AZIN2: variants seen among roughly 807,000 people sequenced by gnomAD.
AZIN2 encodes ODC antizyme inhibitor-2.
AZIN2 carries 28 observed loss-of-function variants against 47.8 expected under a neutral mutation model. The ratio of observed to expected loss-of-function variants is 0.59; its 90% confidence interval spans 0.43 to 0.80. The LOEUF is 0.80. Among genes scored for constraint, AZIN2 ranks in the 30% least tolerant of loss-of-function variants. AZIN2 has a pLI of 0.00. For synonymous variants in AZIN2, 221 were observed against 239.4 expected, an observed-to-expected ratio of 0.92 and a Z score of 0.71; for missense variants, 535 against 582.5, an observed-to-expected ratio of 0.92 and a Z score of 0.84.
chr1:33,136,896 C>A, the AZIN2 span, among the ~76,000 whole-genome samples: 1 of 151,246 alleles, frequency 6.6e-6, no homozygotes, highest in Non-Finnish European at 1.5e-5. Flanking sequence ...GCTTGGGAGG[C>A]TGAGACAGGA....
chr1:33,091,997 C>A, intron 5 of AZIN2, 53 bp from the exon 6 acceptor site: 1 of 1,582,714 alleles, frequency 6.3e-7, no homozygotes, highest in Non-Finnish European at 8.6e-7. Flanking sequence ...CCTTGGGCTC[C>A]GTGGGCTAGC....
chr1:33,147,981 C>T, the AZIN2 span, among the ~76,000 whole-genome samples: 1 of 152,172 alleles, frequency 6.6e-6, no homozygotes, highest in East Asian at 1.9e-4. The surrounding 1 kb of genome is among the most constrained non-coding windows in gnomAD (Gnocchi z 8.1). Flanking sequence ...TGCCTGATGC[C>T]CAGGGCGGAG....
chr1:33,102,377 C>T (rs973045804), intron 10 of AZIN2, among the ~76,000 whole-genome samples: 1 of 152,210 alleles, frequency 6.6e-6, no homozygotes, highest in Non-Finnish European at 1.5e-5. Context: ...TCTGTACCCA[C>T]TGCCCCTGCT....
chr1:33,094,777 T>C, intron 8 of AZIN2, 64 bp downstream of exon 8: 1 of 1,580,600 alleles, frequency 6.3e-7, no homozygotes, highest in Non-Finnish European at 8.7e-7. Context: ...AGGGATTAGA[T>C]GATCGGAGGG....
the AZIN2 span, among the ~76,000 whole-genome samples, chr1:33,160,512 C>T: frequency 6.6e-6 from 1 of 152,072 alleles, no homozygotes; most frequent in Non-Finnish European, 1.5e-5. Flanking sequence ...TCAGGCGATT[C>T]TCCAGCCTCA....
intron 7 of AZIN2, 139 bp downstream of exon 7, chr1:33,093,555 T>C (rs1642809297): frequency 1.7e-6 from 2 of 1,197,568 alleles, no homozygotes; most frequent in African/African-American, 3.1e-5. Context: ...CATTTGAGAA[T>C]TTCCTCTGTT....
chr1:33,147,566 T>C, the AZIN2 span: 1 of 1,614,080 alleles, frequency 6.2e-7, no homozygotes, highest in Admixed American at 1.7e-5. This position sits in a 1 kb window ranked among gnomAD's most constrained non-coding sequence, Gnocchi z 8.1. Flanking sequence ...ACGCCACTAC[T>C]GAAGGCTTCA....
At chr1:33,164,251 C>G in the AZIN2 span, 2 of 152,290 alleles carry the variant, frequency 1.3e-5, no homozygotes, top group Admixed American at 1.3e-4. Context: ...GGGTTGGTGG[C>G]CAAGCTGGGG....
intron 10 of AZIN2, among the ~76,000 whole-genome samples, chr1:33,111,578 A>C (rs1557716364): frequency 6.6e-6 from 1 of 152,084 alleles, no homozygotes; most frequent in Non-Finnish European, 1.5e-5. Context: ...TATAATTGAT[A>C]AGAGATTAGT....
In AZIN2 at chr1:33,113,674, C is replaced by G. The variant is rs1644387486; in HGVS notation, c.1030-4228C>G. Among the ~76,000 whole-genome samples, 1 of 152,228 alleles carries G rather than the reference C, an allele frequency of 6.6e-6. No homozygotes were observed. Among genetic ancestry groups the G allele is most frequent in the Non-Finnish European group, 1.5e-5 (1 of 68,042 alleles). ...CATAGACCAGCTGAGTAACCTTAGG[C>G]AAAGCAAGCTACTTAATCTCTCTGA... On this transcript the variant is annotated intron_variant, in intron 10 of 11. Coordinates refer to ENST00000294517, the MANE Select transcript of AZIN2 (RefSeq NM_052998.4). The surrounding 1 kb of genome is among the most constrained non-coding windows in gnomAD (Gnocchi z 4.1).
chr1:33,135,177 C>G, the AZIN2 span, among the ~76,000 whole-genome samples: 2 of 152,166 alleles, frequency 1.3e-5, no homozygotes, highest in African/African-American at 4.8e-5. Flanking sequence ...GTAATCCCAG[C>G]TATTTGGGAG....
intron 8 of AZIN2, among the ~76,000 whole-genome samples, chr1:33,096,241 A>C (rs916221845): frequency 9.2e-5 from 14 of 152,198 alleles, no homozygotes; most frequent in African/African-American, 3.4e-4. Flanking sequence ...CATTGTCTTC[A>C]AGTTGAGAAA....
At chr1:33,086,243 C>T (rs944279079) in intron 5 of AZIN2, among the ~76,000 whole-genome samples, 13 of 152,094 alleles carry the variant, frequency 8.5e-5, no homozygotes, top group African/African-American at 2.7e-4. Flanking sequence ...GGGATTCTGA[C>T]CGTAGCCTGG....
downstream of AZIN2, among the ~76,000 whole-genome samples, chr1:33,128,423 C>A (rs575209005): frequency 7.2e-5 from 11 of 152,254 alleles, no homozygotes; most frequent in African/African-American, 2.6e-4. Context: ...AGAACAGCAC[C>A]TGACACATGG....
At chr1:33,148,992 G>A in the AZIN2 span, among the ~76,000 whole-genome samples, 1 of 152,004 alleles carries the variant, frequency 6.6e-6, no homozygotes, top group Non-Finnish European at 1.5e-5. Context: ...CCCCACTTAG[G>A]TCCAAAGCCT....
chr1:33,098,407 C>T (rs1464097124), intron 10 of AZIN2, among the ~76,000 whole-genome samples: 1 of 152,156 alleles, frequency 6.6e-6, no homozygotes, highest in Non-Finnish European at 1.5e-5. Context: ...TGTTTTGTAA[C>T]CTGCTTTTTC....
intron 5 of AZIN2, among the ~76,000 whole-genome samples, chr1:33,088,981 T>A (rs1642237664): frequency 6.6e-6 from 1 of 152,206 alleles, no homozygotes; most frequent in South Asian, 2.1e-4. Context: ...CCTATGTGCT[T>A]TAGTCACCAC....
In AZIN2 at chr1:33,082,014, C is replaced by A; in HGVS notation, c.-72-164C>A. 5.5e-6 allele frequency: 3 copies of A among 547,244 alleles called. No homozygotes were observed. In the South Asian group the frequency reaches 6.0e-5, roughly 11 times the overall value. 33.9% of individuals were successfully genotyped at this position (547,244 alleles called of 1,614,324 possible). ...ATTTGGGCATACGGTGCCTTGTCTC[C>A]GTCTGAAATCCGGGATTCTTGACTT... On this transcript the variant is annotated intron_variant, in intron 3 of 11. Coordinates refer to ENST00000294517, the MANE Select transcript of AZIN2 (RefSeq NM_052998.4).
At chr1:33,154,815 C>T in the AZIN2 span, among the ~76,000 whole-genome samples, 2 of 117,434 alleles carry the variant, frequency 1.7e-5, no homozygotes, top group Admixed American at 1.7e-4. Context: ...AAAAAGTGGC[C>T]AGGCGCGGTG....
Sources: gnomAD v4.1 joint callset for allele counts (sites outside exome capture counted in the v4.1 genomes callset) on GRCh38, gnomAD v4.1.1 for gene constraint, Gnocchi (gnomAD v3.1) non-coding constraint, MANE v1.5 for transcripts, NCBI Gene and HGNC (gene_info 2026-07-23, HGNC 2026-07-21) for gene names.